Variants in SCRG1 observed in about 807,000 individuals in gnomAD.
The protein encoded by SCRG1 is scrapie-responsive protein 1.
Under a neutral mutation model 7.7 loss-of-function variants are expected in SCRG1, and 3 were observed. That is an observed-to-expected ratio of 0.39 (90% CI 0.18 to 1.01). The LOEUF is 1.01. Among genes scored for constraint, SCRG1 ranks in the 50% least tolerant of loss-of-function variants. The pLI is 0.36. For missense variants in SCRG1, 110 were observed against 117.2 expected (o/e 0.94, Z 0.28); for synonymous variants, 46 against 41.2 (o/e 1.12, Z -0.44).
intron 1 of SCRG1, chr4:173,406,253 C>G (rs1208028211): frequency 6.6e-6 from 1 of 152,190 alleles, no homozygotes; most frequent in African/African-American, 2.4e-5. Flanking sequence ...GAATTGTTGG[C>G]ACATACCTCA....
chr4:173,427,246 T>C, the SCRG1 span, among the ~76,000 whole-genome samples: 59,907 of 152,126 alleles, frequency 0.39, 12,582 homozygotes, highest in Admixed American at 0.56. Context: ...TCTGCCTATC[T>C]GCTGTCTAGC....
At chr4:173,518,753 C>A in the SCRG1 span, among the ~76,000 whole-genome samples, 1 of 152,152 alleles carries the variant, frequency 6.6e-6, no homozygotes, top group Non-Finnish European at 1.5e-5. Context: ...GTTGGTGGAT[C>A]GACCCTCCGC....
chr4:173,429,726 A>G, the SCRG1 span, among the ~76,000 whole-genome samples: 1 of 152,190 alleles, frequency 6.6e-6, no homozygotes, highest in Non-Finnish European at 1.5e-5. Context: ...CTAAGAAGAC[A>G]TTTTCAATGT....
chr4:173,444,860 T>A, the SCRG1 span, among the ~76,000 whole-genome samples: 3 of 152,204 alleles, frequency 2.0e-5, no homozygotes, highest in Non-Finnish European at 4.4e-5. Context: ...CTACATGACC[T>A]GGAGCCCACT....
At chr4:173,400,242 T>A (rs187401564), upstream of SCRG1, among the ~76,000 whole-genome samples, 30 of 152,306 alleles carry the variant, frequency 2.0e-4, no homozygotes, top group South Asian at 4.1e-4. Context: ...TGATGACCAC[T>A]TAAGTGTTTA....
chr4:173,476,363 A>AAAAAAAATATATATATATAT, the SCRG1 span, among the ~76,000 whole-genome samples: 21 of 98,500 alleles, frequency 2.1e-4, no homozygotes, highest in Admixed American at 4.7e-4. Flanking sequence ...GGAAAAAAAA[A>AAAAAAAATATATATATATAT]ATATATATAT....
At chr4:173,490,802 C>T in the SCRG1 span, among the ~76,000 whole-genome samples, 11 of 152,148 alleles carry the variant, frequency 7.2e-5, no homozygotes, top group Non-Finnish European at 1.6e-4. Context: ...TAACTAATTC[C>T]CTCTGGAAGC....
rs939026553 is a variant in SCRG1 at position 173,385,084 on chromosome 4, A to G, written c.*3257T>C. 2.6e-5 allele frequency: 4 copies of G among 152,344 alleles called. No individual in the cohort carries two copies. The East Asian group carries it at 5.8e-4, about 22-fold the overall frequency. The allele number at this position is 152,344 out of a possible 1,614,324, so 9.4% of individuals were successfully genotyped here. ...TCTTTAAACCTTAGCTTTTTTGTCC[A>G]TAGAACAAGGATAATATCAGTACCT... On this transcript the variant is annotated 3_prime_UTR_variant, in exon 3 of 3. Coordinates refer to ENST00000296506, the MANE Select transcript of SCRG1 (RefSeq NM_007281.4).
chr4:173,435,625 T>C, the SCRG1 span, among the ~76,000 whole-genome samples: 23 of 152,214 alleles, frequency 1.5e-4, no homozygotes, highest in Non-Finnish European at 2.2e-4. Flanking sequence ...GAAATAAATA[T>C]AAGAACATCG....
rs1739229554 is a variant in SCRG1, at chr4:173,385,841, C to T, written c.*2500G>A. 6.6e-6 allele frequency: 1 copy of T among 152,116 alleles called. No homozygotes were observed. The highest frequency in any genetic ancestry group is 6.5e-5 in the Admixed American group (1 of 15,276). The allele number at this position is 152,116 out of a possible 1,614,324, so 9.4% of individuals were successfully genotyped here. A position where few individuals can be genotyped will look rare whatever the true frequency, so the allele number is the denominator to read the frequency against. ...ACTGGATCTTTAATGCTTTTTCCCC[C>T]TCAAGGAGAGTTCCTACCAAGTAGA... On this transcript the variant is annotated 3_prime_UTR_variant, in exon 3 of 3. Coordinates refer to ENST00000296506, the MANE Select transcript of SCRG1 (RefSeq NM_007281.4).
chr4:173,399,035 TA>T (rs1385354122), intron 1 of SCRG1, 32 bp downstream of exon 1: 4 of 152,236 alleles, frequency 2.6e-5, no homozygotes, highest in Non-Finnish European at 5.9e-5. Flanking sequence ...ACAACTGACA[TA>T]AGATGTTTTT....
chr4:173,484,924 T>TA, the SCRG1 span, among the ~76,000 whole-genome samples: 3 of 1,758 alleles, frequency 1.7e-3, no homozygotes, highest in Admixed American at 0.017. Context: ...ATTTTAGATA[T>TA]TATATATTAT....
chr4:173,394,766 A>G (rs1007859633), intron 1 of SCRG1, among the ~76,000 whole-genome samples: 9 of 152,226 alleles, frequency 5.9e-5, no homozygotes, highest in East Asian at 5.8e-4. Flanking sequence ...GTCACAATTT[A>G]CATCTATTTA....
chr4:173,421,666 T>C, the SCRG1 span, among the ~76,000 whole-genome samples: 1 of 152,158 alleles, frequency 6.6e-6, no homozygotes, highest in Admixed American at 6.5e-5. Flanking sequence ...CTTCACAACA[T>C]GTCATGAGAT....
At chr4:173,453,168 C>T in the SCRG1 span, among the ~76,000 whole-genome samples, 1 of 152,240 alleles carries the variant, frequency 6.6e-6, no homozygotes, top group Non-Finnish European at 1.5e-5. Context: ...AAACCTGGCA[C>T]TTAAGGAACC....
chr4:173,480,958 A>G, the SCRG1 span, among the ~76,000 whole-genome samples: 1 of 152,176 alleles, frequency 6.6e-6, no homozygotes, highest in Non-Finnish European at 1.5e-5. Context: ...TAAAAAGGTA[A>G]GGAAAAAAAC....
chr4:173,482,067 T>A, the SCRG1 span, among the ~76,000 whole-genome samples: 2 of 152,182 alleles, frequency 1.3e-5, no homozygotes, highest in African/African-American at 4.8e-5. Context: ...TTACATTATC[T>A]TGATTTGGTG....
the SCRG1 span, chr4:173,467,775 T>C: frequency 2.6e-5 from 4 of 151,962 alleles, no homozygotes; most frequent in Non-Finnish European, 2.9e-5. Flanking sequence ...TCACATAGAG[T>C]CATGCAAGCT....
upstream of SCRG1, among the ~76,000 whole-genome samples, chr4:173,408,686 T>C (rs1234608016): frequency 6.7e-6 from 1 of 148,802 alleles, no homozygotes; most frequent in African/African-American, 2.6e-5. Flanking sequence ...ATTTTGACCA[T>C]TTTAGTGTCA....
Sources: allele counts gnomAD v4.1 joint callset (sites outside exome capture counted in the v4.1 genomes callset), GRCh38; gene constraint gnomAD v4.1.1; transcripts MANE v1.5; gene names NCBI Gene and HGNC (gene_info 2026-07-23, HGNC 2026-07-21).